The following EIF2AK3 variants were observed in gnomAD, a reference collection of about 807,000 sequenced individuals.
The protein encoded by EIF2AK3 is eukaryotic translation initiation factor 2 alpha kinase 3.
A neutral mutation model predicts 113.5 loss-of-function variants in EIF2AK3; 50 were observed. The ratio of observed to expected loss-of-function variants is 0.44; its 90% CI spans 0.35 to 0.56. The LOEUF is 0.56. EIF2AK3 is among the 20% of genes least tolerant of loss of function. The probability of loss-of-function intolerance (pLI) is 0.00; values close to 1 mark genes in which losing one functional copy is unlikely to be tolerated. For synonymous variants in EIF2AK3, 448 were observed against 495.4 expected (o/e 0.90, Z 1.27); for missense variants, 1,185 against 1,378.0 (o/e 0.86, Z 2.22).
intron 13 of EIF2AK3, among the ~76,000 whole-genome samples, chr2:88,571,964 A>G (rs542251591): frequency 6.6e-6 from 1 of 152,242 alleles, no homozygotes; most frequent in East Asian, 1.9e-4. Context: ...AGTCTACTCT[A>G]CTCTGCGGGT....
At chr2:88,611,190 A>G (rs921092553) in intron 2 of EIF2AK3, among the ~76,000 whole-genome samples, 1 of 152,214 alleles carries the variant, frequency 6.6e-6, no homozygotes, top group Non-Finnish European at 1.5e-5. Flanking sequence ...AATGGAGTAC[A>G]GTCAGGCAAT....
In EIF2AK3 at chr2:88,590,928, C is replaced by T. The variant is rs772833023; in HGVS notation, c.892G>A (p.Val298Met). 6.2e-7 allele frequency: 1 copy of T among 1,614,140 alleles called. No individual in the cohort carries two copies. The highest frequency in any genetic ancestry group is 1.1e-5 in the South Asian group (1 of 91,086). ...ATTATGGCAGCTTCCTGTTCTTCCACATCTGAAATAATTTTAGACTCTTCT... is the reference window on the plus strand; with the variant it reads ...ATTATGGCAGCTTCCTGTTCTTCCATATCTGAAATAATTTTAGACTCTTCT... ...NTEESKIISD[V>M]EEQEAAIMDI... The change falls in exon 5 of 17, where the codon GTG (valine) becomes ATG (methionine). Residue 298 changes from valine to methionine, a missense_variant. Physicochemically the swap from Val to Met is conservative, Grantham distance 21 (BLOSUM62 1). This residue lies in a region of EIF2AK3 where 877 missense variants were observed against 1,024.2 expected (regional missense o/e 0.86). Transcript: ENST00000303236.
intron 14 of EIF2AK3, among the ~76,000 whole-genome samples, chr2:88,565,395 C>T (rs1054206817): frequency 1.9e-4 from 29 of 149,824 alleles, no homozygotes; most frequent in Admixed American, 6.7e-5. Context: ...GGCTGGAGCA[C>T]GGTGGCATGA....
At chr2:88,626,911 C>G in intron 1 of EIF2AK3, 56 bp downstream of exon 1, 1 of 1,597,616 alleles carries the variant, frequency 6.3e-7, no homozygotes, top group Non-Finnish European at 8.5e-7. Flanking sequence ...TACACCGCAT[C>G]CTCCGCGGCT....
chr2:88,592,895 T>G (rs1171754666), intron 4 of EIF2AK3, among the ~76,000 whole-genome samples: 2 of 152,114 alleles, frequency 1.3e-5, no homozygotes, highest in Non-Finnish European at 2.9e-5. Context: ...CATGAAACCA[T>G]TTTTATTTTA....
intron 2 of EIF2AK3, among the ~76,000 whole-genome samples, chr2:88,610,616 A>G (rs372264331): frequency 1.6e-3 from 242 of 152,390 alleles, no homozygotes; most frequent in South Asian, 7.5e-3. Context: ...TATTAAACCA[A>G]AAATTTAAGA....
intron 4 of EIF2AK3, among the ~76,000 whole-genome samples, chr2:88,591,883 A>G (rs1448091393): frequency 1.3e-5 from 2 of 152,182 alleles, no homozygotes; most frequent in East Asian, 3.9e-4. Flanking sequence ...CCCAGTAAGC[A>G]CTCAAACACT....
At chr2:88,570,375 C>T (rs1183812383) in intron 14 of EIF2AK3, among the ~76,000 whole-genome samples, 1 of 152,208 alleles carries the variant, frequency 6.6e-6, no homozygotes, top group East Asian at 1.9e-4. Context: ...TCTTCCAGTC[C>T]CTGCCCTGAT....
chr2:88,595,771 T>A (rs1675005912), intron 2 of EIF2AK3, 108 bp from the exon 3 acceptor site: 1 of 1,117,318 alleles, frequency 9.0e-7, no homozygotes, highest in African/African-American at 1.5e-5. Context: ...ATAATAGTAA[T>A]TAAGAGCTGG....
chr2:88,607,740 A>G (rs1276214235), intron 2 of EIF2AK3, among the ~76,000 whole-genome samples: 1 of 152,246 alleles, frequency 6.6e-6, no homozygotes, highest in Non-Finnish European at 1.5e-5. Context: ...CCAGGAGGCA[A>G]GTATGTACCT....
Position 88,574,935 on chromosome 2 carries a change from C to G in EIF2AK3, c.2548G>C (p.Glu850Gln), listed in dbSNP as rs1558647902. The change falls in exon 13 of 17, where the codon GAA becomes CAA. Residue 850 changes from glutamate (E) to glutamine (Q), a missense_variant. By Grantham distance (29) the Glu-to-Gln change is conservative. Around this residue, in one of 3 missense-constraint regions of EIF2AK3, gnomAD observed 877 missense variants for 1,024.2 expected, o/e 0.86. Transcript: ENST00000303236. The part of the protein sequence containing the change: ...FKPTSSKSSS[E>Q]ATLSISPPRP... Reference sequence around the variant, plus strand: ...GGAGGAGAAATAGACAATGTAGCTTCAGAAGAAGATTTGCTACTGGTGGGC... The same window carrying G: ...GGAGGAGAAATAGACAATGTAGCTTGAGAAGAAGATTTGCTACTGGTGGGC... 6.2e-7 allele frequency: 1 copy of G among 1,614,174 alleles called. No individual in the cohort carries two copies.
rs1674879273 is a variant in EIF2AK3 at position 88,591,120 on chromosome 2, T to C, written c.768-68A>G. The C allele has an allele frequency of 7.9e-6, 11 of 1,397,698 alleles. No homozygotes were observed. In the South Asian group the frequency reaches 1.3e-4, roughly 17 times the overall value. 86.6% of individuals were successfully genotyped at this position (1,397,698 alleles called of 1,614,324 possible). A position where few individuals can be genotyped will look rare whatever the true frequency, so the allele number is the denominator to read the frequency against. ...AAAGGGACAAAATAATATAGAACTC[T>C]TCTAGATTGAAGAAGCAAATACTAA... On this transcript the variant is annotated intron_variant, in intron 4 of 16. Coordinates refer to ENST00000303236, the MANE Select transcript of EIF2AK3 (RefSeq NM_004836.7).
rs992401175 is a variant in EIF2AK3, at chr2:88,590,647, T to G, written c.1003-42A>C. ...AAAAGGTCTTAAATAATTCAAGCAG[T>G]AGTTATATAGTTCCAACCCATAAAA... is the stretch of plus-strand genomic sequence containing the variant. On this transcript the variant is annotated intron_variant, in intron 5 of 16. Coordinates refer to ENST00000303236, the MANE Select transcript of EIF2AK3 (RefSeq NM_004836.7). 4 of 1,599,812 alleles carry G rather than the reference T, an allele frequency of 2.5e-6. No homozygotes were observed. The African/African-American group carries it at 5.4e-5, about 21-fold the overall frequency.
chr2:88,605,780 T>C (rs1675255924), intron 2 of EIF2AK3, among the ~76,000 whole-genome samples: 1 of 150,212 alleles, frequency 6.7e-6, no homozygotes, highest in Admixed American at 6.7e-5. Context: ...AAAAAAAAGA[T>C]GCTTCAACAT....
At chr2:88,618,163 T>TA (rs1220084656) in intron 1 of EIF2AK3, among the ~76,000 whole-genome samples, 2 of 152,096 alleles carry the variant, frequency 1.3e-5, no homozygotes, top group African/African-American at 4.8e-5. Context: ...GCCTAAGTGT[T>TA]AGAGTGAAAT....
intron 2 of EIF2AK3, among the ~76,000 whole-genome samples, chr2:88,599,348 A>G (rs1460827756): frequency 6.6e-6 from 1 of 152,054 alleles, no homozygotes; most frequent in Non-Finnish European, 1.5e-5. Context: ...AACAAATTTT[A>G]TTCTCAAAAA....
Position 88,590,487 on chromosome 2 carries a change from A to G in EIF2AK3, c.1121T>C (p.Ile374Thr), listed in dbSNP as rs760865789. ...NDDVLEDEED[I>T]VEAARGATEN... ...TGTGGCTCCTCTGGCAGCTTCTACAATGTCTTCTTCATCTTCTAAAACATC... is the reference window on the plus strand; with the variant it reads ...TGTGGCTCCTCTGGCAGCTTCTACAGTGTCTTCTTCATCTTCTAAAACATC... Residue 374 changes from isoleucine (I) to threonine (T), a missense_variant, in exon 6 of 17, where the codon ATT (isoleucine) becomes ACT (threonine). By Grantham distance (89) the Ile-to-Thr change is moderately conservative. Coordinates refer to ENST00000303236, the MANE Select transcript of EIF2AK3 (RefSeq NM_004836.7). 5.6e-6 allele frequency: 9 copies of G among 1,613,848 alleles called. No homozygotes were observed. The highest frequency in any genetic ancestry group is 2.7e-5 in the African/African-American group (2 of 74,922).
intron 11 of EIF2AK3, 73 bp downstream of exon 11, chr2:88,579,445 A>T: frequency 6.3e-7 from 1 of 1,584,316 alleles, no homozygotes; most frequent in Non-Finnish European, 8.7e-7. Context: ...GAGTACAGTA[A>T]GAAGGATATT....
chr2:88,625,498 A>C (rs1431312310), intron 1 of EIF2AK3, among the ~76,000 whole-genome samples: 1 of 151,900 alleles, frequency 6.6e-6, no homozygotes, highest in Non-Finnish European at 1.5e-5. Context: ...CCCATACCTC[A>C]CCTAGTAGAA....
Sources: gnomAD v4.1 joint callset for allele counts (sites outside exome capture counted in the v4.1 genomes callset) on GRCh38, gnomAD v4.1.1 for gene constraint, gnomAD v4.1.1 regional missense constraint, MANE v1.5 for transcripts, NCBI Gene and HGNC (gene_info 2026-07-23, HGNC 2026-07-21) for gene names.